The following STRN3 variants were observed in gnomAD, a reference collection of about 807,000 sequenced individuals.
STRN3 encodes the protein striatin-3.
A neutral mutation model predicts 95.6 loss-of-function variants in STRN3; 29 were observed. The ratio of observed to expected loss-of-function variants is 0.30; its 90% CI spans 0.23 to 0.41. The LOEUF is 0.41. Ranked by LOEUF, STRN3 falls within the 10% of genes least tolerant of loss-of-function variation. The probability of loss-of-function intolerance (pLI) is 1.00; values close to 1 mark genes in which losing one functional copy is unlikely to be tolerated. For synonymous variants in STRN3, 331 were observed against 357.6 expected (o/e 0.93, Z 0.84); for missense variants, 890 against 972.1 (o/e 0.92, Z 1.12).
intron 12 of STRN3, among the ~76,000 whole-genome samples, chr14:30,911,573 G>A (rs1896610957): frequency 6.6e-6 from 1 of 152,066 alleles, no homozygotes. Flanking sequence ...AAAATCCTCA[G>A]ATTACAGGCA....
chr14:30,926,486 G>A (rs1270699259), intron 8 of STRN3, among the ~76,000 whole-genome samples: 2 of 151,924 alleles, frequency 1.3e-5, no homozygotes, highest in Non-Finnish European at 2.9e-5. Context: ...TCTCTGAGTG[G>A]TAGGATTGCA....
intron 1 of STRN3, among the ~76,000 whole-genome samples, chr14:30,990,478 A>G (rs1046596223): frequency 6.6e-6 from 1 of 152,238 alleles, no homozygotes; most frequent in Admixed American, 6.5e-5. Flanking sequence ...AAAGGGCACT[A>G]TGACTTTTAA....
chr14:30,967,331 A>T (rs1257854749), intron 1 of STRN3, among the ~76,000 whole-genome samples: 1 of 151,816 alleles, frequency 6.6e-6, no homozygotes, highest in African/African-American at 2.4e-5. Context: ...AGAGACAGAG[A>T]GTCAGAGAGA....
intron 1 of STRN3, among the ~76,000 whole-genome samples, chr14:30,964,072 C>T (rs1218284806): frequency 6.6e-6 from 1 of 151,856 alleles, no homozygotes; most frequent in Non-Finnish European, 1.5e-5. Context: ...GCCAACATGG[C>T]GAAACCCCAT....
intron 5 of STRN3, 69 bp downstream of exon 5, chr14:30,947,021 G>T: frequency 8.3e-7 from 1 of 1,197,876 alleles, no homozygotes; most frequent in Non-Finnish European, 1.1e-6. Context: ...GTAACAAGGA[G>T]CTAAAGAGAT....
intron 1 of STRN3, among the ~76,000 whole-genome samples, chr14:31,000,299 A>G (rs1463341454): frequency 5.3e-5 from 8 of 152,134 alleles, no homozygotes; most frequent in African/African-American, 1.9e-4. Context: ...AGGCAATCAC[A>G]TTAAGCAATA....
intron 1 of STRN3, among the ~76,000 whole-genome samples, chr14:30,985,706 T>C (rs562245513): frequency 2.3e-5 from 2 of 88,102 alleles, no homozygotes; most frequent in Non-Finnish European, 3.1e-5. Context: ...CACATAAATA[T>C]GTATAAATGA....
chr14:30,923,297 T>C (rs1445083443), intron 8 of STRN3, among the ~76,000 whole-genome samples: 1 of 152,134 alleles, frequency 6.6e-6, no homozygotes, highest in Admixed American at 6.5e-5. Flanking sequence ...GAATAGTAAA[T>C]GACAAATATT....
rs1273627387 is a variant in STRN3 at position 30,936,606 on chromosome 14, A to G, written c.735T>C (p.Leu245=). 8.1e-6 allele frequency: 13 copies of G among 1,613,544 alleles called. No homozygotes were observed. The highest frequency in any genetic ancestry group is 1.1e-5 in the Non-Finnish European group (13 of 1,179,800). Residue 245 remains leucine (L), a synonymous_variant, in exon 6 of 18, where the codon CTT becomes CTC. Transcript: ENST00000357479. ...CATTTTCTAAGAAATTGAACGTCTCAAGAACATCACCAGAGGACCTGTGCG... is the reference window on the plus strand; with the variant it reads ...CATTTTCTAAGAAATTGAACGTCTCGAGAACATCACCAGAGGACCTGTGCG... ...QEIKRSSGDV[L]ETFNFLENAD...
At chr14:31,020,838 T>C (rs1169319758) in intron 1 of STRN3, among the ~76,000 whole-genome samples, 1 of 151,770 alleles carries the variant, frequency 6.6e-6, no homozygotes, top group African/African-American at 2.4e-5. Context: ...CTCGGGAGCC[T>C]GAGGCTACAG....
chr14:30,946,987 A>AC, intron 5 of STRN3, 103 bp downstream of exon 5: 1 of 915,338 alleles, frequency 1.1e-6, no homozygotes, highest in South Asian at 2.8e-5. Context: ...GTCAAAAAAA[A>AC]AAAAAAAAAA....
At chr14:30,903,005 G>C (rs1207501781) in intron 15 of STRN3, among the ~76,000 whole-genome samples, 1 of 152,084 alleles carries the variant, frequency 6.6e-6, no homozygotes, top group East Asian at 1.9e-4. Context: ...ACAATTGCTA[G>C]TCAGATGTTT....
chr14:31,002,754 T>A (rs935343998), intron 1 of STRN3, among the ~76,000 whole-genome samples: 1 of 152,116 alleles, frequency 6.6e-6, no homozygotes, highest in African/African-American at 2.4e-5. Context: ...TTTGTATGTA[T>A]GAGTCCACTT....
At chr14:31,019,720 T>C (rs962622453) in intron 1 of STRN3, among the ~76,000 whole-genome samples, 1 of 152,048 alleles carries the variant, frequency 6.6e-6, no homozygotes, top group Non-Finnish European at 1.5e-5. Context: ...CTTACCTTTT[T>C]TGAAAAAAAA....
At chr14:30,927,441 C>T (rs931718577) in intron 8 of STRN3, among the ~76,000 whole-genome samples, 2 of 151,564 alleles carry the variant, frequency 1.3e-5, no homozygotes, top group African/African-American at 4.9e-5. Flanking sequence ...TATTTGTAGA[C>T]CTCAAAAAGA....
chr14:30,956,058 C>T, intron 2 of STRN3, 81 bp downstream of exon 2: 1 of 1,195,568 alleles, frequency 8.4e-7, no homozygotes, highest in South Asian at 1.4e-5. Context: ...TCAAAAAAAG[C>T]TGCCAAATAC....
intron 8 of STRN3, among the ~76,000 whole-genome samples, chr14:30,927,718 G>A (rs1031748972): frequency 2.0e-5 from 3 of 151,750 alleles, no homozygotes; most frequent in African/African-American, 7.3e-5. Context: ...GACAATGTCA[G>A]GAGATTGAGA....
chr14:30,899,133 T>G (rs1282617757), intron 16 of STRN3, among the ~76,000 whole-genome samples: 1 of 152,208 alleles, frequency 6.6e-6, no homozygotes, highest in African/African-American at 2.4e-5. Flanking sequence ...CTTCAAGAAC[T>G]GTGCCAAGAA....
chr14:30,964,994 C>T (rs779428184), intron 1 of STRN3, among the ~76,000 whole-genome samples: 5 of 151,740 alleles, frequency 3.3e-5, no homozygotes, highest in Non-Finnish European at 7.4e-5. Flanking sequence ...CAGGAGCTTG[C>T]TCTAGTTAGA....
Sources: allele counts gnomAD v4.1 joint callset (sites outside exome capture counted in the v4.1 genomes callset), GRCh38; gene constraint gnomAD v4.1.1; transcripts MANE v1.5; gene names NCBI Gene and HGNC (gene_info 2026-07-23, HGNC 2026-07-21).